TMEM140: variants seen among roughly 807,000 people sequenced by gnomAD.
TMEM140 encodes the protein transmembrane protein 140.
For missense variants in TMEM140, 236 were observed against 228.5 expected (o/e 1.03, Z -0.21); for synonymous variants, 107 against 106.8 (o/e 1.00, Z -0.01).
rs1288557877 is a variant in TMEM140 at position 135,164,864 on chromosome 7, G to A, written c.423G>A (p.Trp141Ter). 5.6e-6 allele frequency: 9 copies of A among 1,614,080 alleles called. No homozygotes were observed. The Admixed American group carries it at 1.5e-4, about 27-fold the overall frequency. ...TCTTCCTCTCCTATGTGTGGAAGTG[G>A]GTCAGGCTCTCCCTCCCGGGGCCTG... Reference protein sequence around the residue: ...LGLFLSYVWKWVRLSLPGPGF... With the variant: ...LGLFLSYVWK Residue 141 changes from tryptophan to a stop codon, truncating the protein, a stop_gained, in exon 2 of 2, where the codon TGG becomes TGA. Transcript: ENST00000275767. LOFTEE classifies it low-confidence loss of function (END_TRUNC).
intron 1 of TMEM140, among the ~76,000 whole-genome samples, chr7:135,159,981 C>T (rs1360822703): frequency 1.3e-5 from 2 of 152,114 alleles, no homozygotes; most frequent in South Asian, 2.1e-4. Flanking sequence ...GCATTCATAG[C>T]ATTATAAAAT....
intron 1 of TMEM140, among the ~76,000 whole-genome samples, chr7:135,154,947 C>G (rs915820514): frequency 6.6e-6 from 1 of 151,992 alleles, no homozygotes; most frequent in African/African-American, 2.4e-5. Flanking sequence ...GTTAAAAGTC[C>G]CCTACAGTTA....
intron 1 of TMEM140, among the ~76,000 whole-genome samples, chr7:135,163,969 T>C (rs1830014538): frequency 6.6e-6 from 1 of 152,224 alleles, no homozygotes; most frequent in African/African-American, 2.4e-5. Context: ...CCCCAGGTGG[T>C]TGTCTTGGCA....
chr7:135,164,069 A>G (rs879800072), intron 1 of TMEM140, among the ~76,000 whole-genome samples: 1 of 152,242 alleles, frequency 6.6e-6, no homozygotes, highest in Non-Finnish European at 1.5e-5. Context: ...CCACCTTCAA[A>G]AAAGATCTGA....
chr7:135,161,538 GCA>G lies in TMEM140; in HGVS notation c.-24-2877_-24-2876del, dbSNP rs1829938124. Among the ~76,000 whole-genome samples the G allele has an allele frequency of 6.6e-6, 1 of 152,184 alleles. No homozygotes were observed. The highest frequency in any genetic ancestry group is 2.4e-5 in the African/African-American group (1 of 41,424). On this transcript the variant is annotated intron_variant, in intron 1 of 1. Coordinates refer to ENST00000275767, the MANE Select transcript of TMEM140 (RefSeq NM_018295.5). The surrounding 1 kb of genome is among the most constrained non-coding windows in gnomAD (Gnocchi z 4.1). ...CCTAAAATACCCAAACCCATTAAAA[GCA>G]CAGATATAGGCTTTTACAAACATTT...
In TMEM140 at chr7:135,154,432, G is replaced by C. The variant is rs566080407; in HGVS notation, c.-25+6162G>C. On this transcript the variant is annotated intron_variant, in intron 1 of 1. Transcript: ENST00000275767. ...TGGTTTGTTCCTTTTCTAATTCCTT[G>C]AGGTGCAATGTTAGGTTGTTAATTT... 4.6e-5 allele frequency among the ~76,000 whole-genome samples: 7 copies of C among 151,910 alleles called. No homozygotes were observed. In the South Asian group the frequency reaches 1.5e-3, roughly 32 times the overall value.
intron 1 of TMEM140, among the ~76,000 whole-genome samples, chr7:135,160,463 T>C (rs1829901385): frequency 6.6e-6 from 1 of 152,152 alleles, no homozygotes; most frequent in African/African-American, 2.4e-5. Context: ...AAGAGTGTCA[T>C]GGGGTTTCCA....
At chr7:135,154,610 T>C (rs1829742893) in intron 1 of TMEM140, among the ~76,000 whole-genome samples, 1 of 152,216 alleles carries the variant, frequency 6.6e-6, no homozygotes, top group Non-Finnish European at 1.5e-5. Context: ...ATTGACCCAG[T>C]AGTTGTTCAG....
chr7:135,164,433 G>A lies in TMEM140; in HGVS notation c.-9G>A, dbSNP rs1169346114. On this transcript the variant is annotated 5_prime_UTR_variant, in exon 2 of 2. Coordinates refer to ENST00000275767, the MANE Select transcript of TMEM140 (RefSeq NM_018295.5). ...TTCCCCGCAGGTCCCCCGGCAGAGG[G>A]CAGTAGAGATGGCCGGCCCAAGGCC... The A allele has an allele frequency of 3.8e-6, 6 of 1,595,672 alleles. No homozygotes were observed. Among genetic ancestry groups the A allele is most frequent in the Admixed American group, 1.7e-5 (1 of 59,770 alleles).
rs2117479556 is a variant in TMEM140, at chr7:135,165,150, G to A, written c.*151G>A. The A allele has an allele frequency of 1.2e-6, 1 of 839,676 alleles. No homozygotes were observed. The highest frequency in any genetic ancestry group is 2.7e-5 in the East Asian group (1 of 36,794). The allele number at this position is 839,676 out of a possible 1,614,324, so 52.0% of individuals were successfully genotyped here. ...GGGGCCCCTGTGTCAAAGAGGCCGA[G>A]GGGCAGCAAGGGCAGCCAGGGCACC... On this transcript the variant is annotated 3_prime_UTR_variant, in exon 2 of 2. Coordinates refer to ENST00000275767, the MANE Select transcript of TMEM140 (RefSeq NM_018295.5).
chr7:135,164,664 G>A lies in TMEM140; in HGVS notation c.223G>A (p.Val75Met), dbSNP rs1204371276. 6.2e-6 allele frequency: 10 copies of A among 1,613,538 alleles called. No homozygotes were observed. Among genetic ancestry groups the A allele is most frequent in the Non-Finnish European group, 7.6e-6 (9 of 1,179,436 alleles). Reference sequence around the variant, plus strand: ...GTTCCCTGAGCTGGAAGCCCTGGGGGTGCCTCGGGTTGGCCTGGGCCTGGC... The same window carrying A: ...GTTCCCTGAGCTGGAAGCCCTGGGGATGCCTCGGGTTGGCCTGGGCCTGGC... ...HQFPELEALGVPRVGLGLARL... is the reference protein window; with the variant it reads ...HQFPELEALGMPRVGLGLARL... Residue 75 changes from valine to methionine, a missense_variant, in exon 2 of 2, where the codon GTG becomes ATG. Physicochemically the swap from Val to Met is conservative, Grantham distance 21. Coordinates refer to ENST00000275767, the MANE Select transcript of TMEM140 (RefSeq NM_018295.5).
intron 1 of TMEM140, among the ~76,000 whole-genome samples, chr7:135,154,715 T>C (rs572018174): frequency 3.9e-5 from 6 of 152,342 alleles, no homozygotes; most frequent in African/African-American, 1.2e-4. Context: ...GAGAAGATAC[T>C]TGATATAATT....
At chr7:135,154,963 T>C (rs757586850) in intron 1 of TMEM140, among the ~76,000 whole-genome samples, 8 of 152,232 alleles carry the variant, frequency 5.3e-5, no homozygotes, top group Admixed American at 2.6e-4. Flanking sequence ...AGTTATTGTA[T>C]TGCTGTCTAC....
rs1829663692 is a variant in TMEM140, at chr7:135,151,458, G to A, written c.-25+3188G>A. Among the ~76,000 whole-genome samples the A allele has an allele frequency of 6.6e-6, 1 of 152,170 alleles. No individual in the cohort carries two copies. The highest frequency in any genetic ancestry group is 2.4e-5 in the African/African-American group (1 of 41,440). ...CTGGTGGCCTCTGACAAGTAAACCT[G>A]CGCCCTTGTTCTATGCCCTGGCAAG... is the stretch of plus-strand genomic sequence containing the variant. On this transcript the variant is annotated intron_variant, in intron 1 of 1. Coordinates refer to ENST00000275767, the MANE Select transcript of TMEM140 (RefSeq NM_018295.5). This position sits in a 1 kb window ranked among gnomAD's most constrained non-coding sequence, Gnocchi z 4.3.
chr7:135,148,788 A>T (rs180884636), intron 1 of TMEM140, among the ~76,000 whole-genome samples: 4 of 152,316 alleles, frequency 2.6e-5, no homozygotes, highest in Admixed American at 2.6e-4. Context: ...GACCTAAGAG[A>T]TGTTTAGATC....
chr7:135,158,265 G>C (rs1334299508), intron 1 of TMEM140, among the ~76,000 whole-genome samples: 1 of 152,238 alleles, frequency 6.6e-6, no homozygotes, highest in Non-Finnish European at 1.5e-5. Context: ...ATGTTGCAGA[G>C]CAGTGGGTAT....
chr7:135,164,730 G>A lies in TMEM140; in HGVS notation c.289G>A (p.Ala97Thr), dbSNP rs1277452876. The A allele has an allele frequency of 1.9e-6, 3 of 1,614,168 alleles. No homozygotes were observed. Among genetic ancestry groups the A allele is most frequent in the East Asian group, 2.2e-5 (1 of 44,872 alleles). The change falls in exon 2 of 2, where the codon GCC (alanine) becomes ACC (threonine). Residue 97 changes from alanine to threonine, a missense_variant. Ala to Thr is a moderately conservative substitution (Grantham distance 58). Coordinates refer to ENST00000275767, the MANE Select transcript of TMEM140 (RefSeq NM_018295.5). ...VYGSLVLTLF[A>T]PQPLLLAQCN... ...CGGGTCCCTGGTCCTCACCCTCTTTGCCCCCCAGCCTCTCCTCCTAGCCCA... is the reference window on the plus strand; with the variant it reads ...CGGGTCCCTGGTCCTCACCCTCTTTACCCCCCAGCCTCTCCTCCTAGCCCA...
rs112195135 is a variant in TMEM140 at position 135,165,269 on chromosome 7, TGCTTTAATTAATGGATCTGA to T, written c.*273_*292del. ...TGCAGCTCATTGTCACACCAATTCC[TGCTTTAATTAATGGATCTGA>T]GCAAATCTTCCTCTAGCTTCAGGAG... On this transcript the variant is annotated 3_prime_UTR_variant, in exon 2 of 2. Coordinates refer to ENST00000275767, the MANE Select transcript of TMEM140 (RefSeq NM_018295.5). The T allele has an allele frequency of 8.7e-4, 332 of 380,488 alleles. 5 individuals carry two copies. The highest frequency in any genetic ancestry group is 5.4e-3 in the African/African-American group (264 of 48,604). The allele number at this position is 380,488 out of a possible 1,614,324, so 23.6% of individuals were successfully genotyped here. A position where few individuals can be genotyped will look rare whatever the true frequency, so the allele number is the denominator to read the frequency against.
In TMEM140 at chr7:135,161,741, G is replaced by A. The variant is rs150167871; in HGVS notation, c.-24-2677G>A. Among the ~76,000 whole-genome samples the A allele has an allele frequency of 3.1e-3, 466 of 152,124 alleles. 1 individual carries two copies. The highest frequency in any genetic ancestry group is 0.011 in the African/African-American group (440 of 41,486). ...GAATCTCTCAACTACATTCAAACCCGAGTCTTCAGACCCTTGGCCCTCTGG... is the reference window on the plus strand; with the variant it reads ...GAATCTCTCAACTACATTCAAACCCAAGTCTTCAGACCCTTGGCCCTCTGG... On this transcript the variant is annotated intron_variant, in intron 1 of 1. Coordinates refer to ENST00000275767, the MANE Select transcript of TMEM140 (RefSeq NM_018295.5). This position sits in a 1 kb window ranked among gnomAD's most constrained non-coding sequence, Gnocchi z 4.1.
Sources: gnomAD v4.1 joint callset for allele counts (sites outside exome capture counted in the v4.1 genomes callset) on GRCh38, gnomAD v4.1.1 for gene constraint, Gnocchi (gnomAD v3.1) non-coding constraint, MANE v1.5 for transcripts, NCBI Gene and HGNC (gene_info 2026-07-23, HGNC 2026-07-21) for gene names.